PKM: variants seen among roughly 807,000 people sequenced by gnomAD.
The protein encoded by PKM is pyruvate kinase M1/2, also known as pyruvate kinase PKM.
Under a neutral mutation model 49.8 loss-of-function variants are expected in PKM, and 18 were observed. The observed-to-expected ratio is 0.36, with a 90% CI of 0.25 to 0.54. PKM has a LOEUF of 0.54. Among genes scored for constraint, PKM ranks in the 20% least tolerant of loss-of-function variants. PKM has a pLI of 0.89. For synonymous variants in PKM, 239 were observed against 261.8 expected, an observed-to-expected ratio of 0.91 and a Z score of 0.84; for missense variants, 508 against 713.8, an observed-to-expected ratio of 0.71 and a Z score of 3.28.
At chr15:72,227,771 AAAAC>A (rs1438010235) in intron 1 of PKM, among the ~76,000 whole-genome samples, 2,287 of 47,722 alleles carry the variant, frequency 0.048, 705 homozygotes, top group Non-Finnish European at 0.087. Context: ...AAAAAAAAAA[AAAAC>A]AAAAAACTGA....
At chr15:72,228,825 C>T (rs1172066842) in intron 1 of PKM, 1 of 328,450 alleles carries the variant, frequency 3.0e-6, no homozygotes, top group Non-Finnish European at 6.1e-6. Context: ...AGACGGCCAA[C>T]TGGGGGCTAC....
In PKM at chr15:72,199,355, G is replaced by A. The variant is rs1480880921; in HGVS notation, c.*295C>T. 1 of 602,610 alleles carries A rather than the reference G, an allele frequency of 1.7e-6. No homozygotes were observed. Among genetic ancestry groups the A allele is most frequent in the Non-Finnish European group, 3.1e-6 (1 of 323,260 alleles). 37.3% of individuals were successfully genotyped at this position (602,610 alleles called of 1,614,324 possible). On this transcript the variant is annotated 3_prime_UTR_variant, in exon 11 of 11. Transcript: ENST00000335181. ...AAGGAACTGGACAGAGTACACACAG[G>A]AAAGGAAGCTGTCACCCTCTTGCCA...
intron 3 of PKM, among the ~76,000 whole-genome samples, chr15:72,216,070 C>A: frequency 6.6e-6 from 1 of 152,190 alleles, no homozygotes; most frequent in East Asian, 1.9e-4. Context: ...GATGAAGAGT[C>A]TTGTGTTTCC....
rs996075804 is a variant in PKM at position 72,209,100 on chromosome 15, G to A, written c.566-209C>T. ...CCTCACTTTCCTCACCCATAAATAA[G>A]GATAATTAAGACTGTTCTGACTTTG... On this transcript the variant is annotated intron_variant, in intron 5 of 10. Transcript: ENST00000335181. 6 of 625,672 alleles carry A rather than the reference G, an allele frequency of 9.6e-6. No homozygotes were observed. The African/African-American group carries it at 1.1e-4, about 11-fold the overall frequency. 38.8% of individuals were successfully genotyped at this position (625,672 alleles called of 1,614,324 possible).
rs760820401 is a variant in PKM at position 72,218,963 on chromosome 15, A to C, written c.135T>G (p.Thr45=). ...ACTCACCAATGGTACAGATGATGCC[A>C]GTGTTCCGGGCTGTGATGGGTGGTG... The part of the protein sequence containing the change: ...IDSPPITARN[T]GIICTIGPAS... Residue 45 remains threonine (T), a synonymous_variant, in exon 2 of 11, where the codon ACT becomes ACG. Coordinates refer to ENST00000335181, the MANE Select transcript of PKM (RefSeq NM_002654.6). 1.9e-5 allele frequency: 31 copies of C among 1,614,038 alleles called. No individual in the cohort carries two copies. Among genetic ancestry groups the C allele is most frequent in the Non-Finnish European group, 2.6e-5 (31 of 1,180,036 alleles).
chr15:72,227,744 C>CAAAAAAAAAAA (rs34876633), intron 1 of PKM, among the ~76,000 whole-genome samples: 3 of 10,808 alleles, frequency 2.8e-4, no homozygotes, highest in African/African-American at 8.8e-4. Context: ...AAAACTATCT[C>CAAAAAAAAAAA]AAAAAAAAAA....
chr15:72,209,523 T>C (rs980949837), intron 5 of PKM, 150 bp downstream of exon 5: 2 of 693,060 alleles, frequency 2.9e-6, no homozygotes, highest in East Asian at 2.7e-5. Flanking sequence ...AAGCCTATCT[T>C]TGAGGATAAA....
chr15:72,223,918 TA>T (rs11432818), intron 1 of PKM, among the ~76,000 whole-genome samples: 90 of 140,268 alleles, frequency 6.4e-4, no homozygotes, highest in African/African-American at 7.5e-4. Flanking sequence ...TCCCTGGCTT[TA>T]AAAAAAAAAA....
intron 1 of PKM, among the ~76,000 whole-genome samples, chr15:72,220,566 G>A (rs925710955): frequency 3.3e-5 from 5 of 152,124 alleles, no homozygotes; most frequent in East Asian, 1.9e-4. Context: ...ATAAGATACC[G>A]GCTAACGGTT....
intron 1 of PKM, 69 bp from the exon 2 acceptor site, chr15:72,219,179 G>T: frequency 7.1e-7 from 1 of 1,411,522 alleles, no homozygotes; most frequent in East Asian, 2.3e-5. Flanking sequence ...TAGCACAGAA[G>T]GCTGTCTCCT....
intron 1 of PKM, among the ~76,000 whole-genome samples, chr15:72,225,686 G>A (rs1007738052): frequency 3.3e-5 from 5 of 152,138 alleles, no homozygotes; most frequent in African/African-American, 1.2e-4. Context: ...TGGGTATATG[G>A]ATCTAGCTAA....
intron 1 of PKM, among the ~76,000 whole-genome samples, chr15:72,220,123 A>C (rs1054476043): frequency 3.3e-5 from 5 of 152,244 alleles, no homozygotes; most frequent in African/African-American, 1.2e-4. Flanking sequence ...CAGACCAGGC[A>C]GTGTTTGAAG....
intron 1 of PKM, chr15:72,219,566 CT>C (rs2082468980): frequency 6.4e-6 from 1 of 155,738 alleles, no homozygotes; most frequent in African/African-American, 2.4e-5. Context: ...GCATGTCAAG[CT>C]GTCACAAAGC....
chr15:72,229,641 T>C, intron 1 of PKM: 2 of 1,258,430 alleles, frequency 1.6e-6, no homozygotes, highest in Non-Finnish European at 2.1e-6. Flanking sequence ...TTACGAGGCT[T>C]CCTGTCCCCC....
chr15:72,200,450 C>A lies in PKM; in HGVS notation c.1489+24G>T, dbSNP rs757789021. On this transcript the variant is annotated intron_variant, in intron 10 of 10. Coordinates refer to ENST00000335181, the MANE Select transcript of PKM (RefSeq NM_002654.6). The surrounding 1 kb of genome is among the most constrained non-coding windows in gnomAD (Gnocchi z 4.6). The stretch of plus-strand genomic sequence containing the variant: ...AAGCATCCCCAAGCTCCTCTAGGCT[C>A]TAGCCCCTGCTCCAGCCACGTACCA... 1 of 1,609,624 alleles carries A rather than the reference C, an allele frequency of 6.2e-7. No individual in the cohort carries two copies. Among genetic ancestry groups the A allele is most frequent in the South Asian group, 1.1e-5 (1 of 90,930 alleles).
intron 6 of PKM, 88 bp downstream of exon 6, chr15:72,208,533 C>T (rs774819083): frequency 3.7e-5 from 53 of 1,413,420 alleles, no homozygotes; most frequent in Non-Finnish European, 4.6e-5. Context: ...TTCTGATGGG[C>T]TAGGGGCTGG....
At position 72,227,757 on chromosome 15, in the gene PKM, AAAAAAAAAAAAAAAAAAC is replaced by A. The variant is rs933938198; in HGVS notation, c.-14+3341_-14+3358del. The stretch of plus-strand genomic sequence containing the variant: ...GCAAAACTATCTCAAAAAAAAAAAA[AAAAAAAAAAAAAAAAAAC>A]AAAAAACTGAAGCAAAATAAACTAA... On this transcript the variant is annotated intron_variant, in intron 1 of 10. Transcript: ENST00000335181. Among the ~76,000 whole-genome samples the A allele has an allele frequency of 6.0e-4, 80 of 132,626 alleles. 1 individual carries two copies. The highest frequency in any genetic ancestry group is 2.4e-3 in the Admixed American group (33 of 13,602). 87.0% of individuals were successfully genotyped at this position (132,626 alleles called of 152,430 possible). A position where few individuals can be genotyped will look rare whatever the true frequency, so the allele number is the denominator to read the frequency against.
At position 72,206,716 on chromosome 15, in the gene PKM, C is replaced by G; in HGVS notation, c.1140+12G>C. On this transcript the variant is annotated intron_variant, in intron 8 of 10. Coordinates refer to ENST00000335181, the MANE Select transcript of PKM (RefSeq NM_002654.6). ...CGAAGCCCTGGGGGATGGGGCAGGC[C>G]CCAGAACTCACCAGGTGCTGCATGC... 6.2e-7 allele frequency: 1 copy of G among 1,612,384 alleles called. No homozygotes were observed. The highest frequency in any genetic ancestry group is 1.1e-5 in the South Asian group (1 of 91,010).
At chr15:72,203,025 C>G in intron 8 of PKM, 7 of 1,614,094 alleles carry the variant, frequency 4.3e-6, no homozygotes, top group Non-Finnish European at 5.9e-6. Context: ...GCCCTACCTG[C>G]CAGACTCCGT....
Sources: allele counts gnomAD v4.1 joint callset (sites outside exome capture counted in the v4.1 genomes callset), GRCh38; gene constraint gnomAD v4.1.1; non-coding constraint Gnocchi (gnomAD v3.1); transcripts MANE v1.5; gene names NCBI Gene and HGNC (gene_info 2026-07-23, HGNC 2026-07-21).